The following VSTM2B variants were observed in gnomAD, a reference collection of about 807,000 sequenced individuals.
VSTM2B encodes the protein V-set and transmembrane domain containing 2B, also known as V-set and transmembrane domain-containing protein 2B.
Under a neutral mutation model 24.0 loss-of-function variants are expected in VSTM2B, and 24 were observed. The ratio of observed to expected loss-of-function variants is 1.00; its 90% CI spans 0.72 to 1.40. VSTM2B has a LOEUF of 1.40. VSTM2B is among the 40% of genes most tolerant of loss of function. The pLI is 0.00. For synonymous variants in VSTM2B, 226 were observed against 194.4 expected, an observed-to-expected ratio of 1.16 and a Z score of -1.35; for missense variants, 399 against 416.4, an observed-to-expected ratio of 0.96 and a Z score of 0.36.
intron 4 of VSTM2B, among the ~76,000 whole-genome samples, chr19:29,556,315 C>T (rs1461188803): frequency 6.6e-6 from 1 of 152,140 alleles, no homozygotes; most frequent in African/African-American, 2.4e-5. Flanking sequence ...ATAGAAAAGG[C>T]CTTCGATAAA....
At chr19:29,525,986 CT>C (rs1382805321), upstream of VSTM2B, among the ~76,000 whole-genome samples, 22 of 151,980 alleles carry the variant, frequency 1.4e-4, no homozygotes, top group Non-Finnish European at 2.7e-4. Context: ...TCCCCTCCCC[CT>C]CTCCCCGCCT....
At chr19:29,543,487 A>G (rs967925512) in intron 4 of VSTM2B, among the ~76,000 whole-genome samples, 1 of 152,088 alleles carries the variant, frequency 6.6e-6, no homozygotes, top group Non-Finnish European at 1.5e-5. Context: ...ATGGGAAAGG[A>G]CTGCTGTTAG....
At position 29,564,046 on chromosome 19, in the gene VSTM2B, TC is replaced by T; in HGVS notation, c.*114del. The T allele has an allele frequency of 1.3e-6, 1 of 790,462 alleles. No homozygotes were observed. The highest frequency in any genetic ancestry group is 2.1e-6 in the Non-Finnish European group (1 of 486,104). The allele number at this position is 790,462 out of a possible 1,614,324, so 49.0% of individuals were successfully genotyped here. A position where few individuals can be genotyped will look rare whatever the true frequency, so the allele number is the denominator to read the frequency against. ...AGAGACTGAGAGACGCATGAAAAAG[TC>T]CACATGGAAAATAAATAAATCATAT... On this transcript the variant is annotated 3_prime_UTR_variant, in exon 5 of 5. Transcript: ENST00000335523.
Position 29,526,702 on chromosome 19 carries a change from G to C in VSTM2B, c.82+37G>C. ...AACTTTGCTGCCGCTGTGGACTCGG[G>C]GGGGTCTTTGCTGGGGCCGCCACCG... On this transcript the variant is annotated intron_variant, in intron 1 of 4. Coordinates refer to ENST00000335523, the MANE Select transcript of VSTM2B (RefSeq NM_001146339.2). This position sits in a 1 kb window ranked among gnomAD's most constrained non-coding sequence, Gnocchi z 4.1. 2 of 1,508,320 alleles carry C rather than the reference G, an allele frequency of 1.3e-6. No homozygotes were observed. 93.4% of individuals were successfully genotyped at this position (1,508,320 alleles called of 1,614,324 possible).
chr19:29,529,733 C>T (rs1969682791), intron 3 of VSTM2B, 86 bp from the exon 4 acceptor site: 11 of 1,331,846 alleles, frequency 8.3e-6, no homozygotes, highest in Non-Finnish European at 1.0e-5. Context: ...TTGGGGTGCG[C>T]GGATGAGGGG....
intron 4 of VSTM2B, among the ~76,000 whole-genome samples, chr19:29,536,587 C>G (rs1397519698): frequency 2.0e-5 from 3 of 152,198 alleles, no homozygotes; most frequent in Admixed American, 2.0e-4. Context: ...GTGTGCCACG[C>G]TCTCCTCTCA....
intron 4 of VSTM2B, among the ~76,000 whole-genome samples, chr19:29,534,355 G>A (rs867303365): frequency 2.6e-5 from 4 of 152,236 alleles, no homozygotes; most frequent in African/African-American, 9.6e-5. Flanking sequence ...GGTGCAGGCT[G>A]TAGAGGTCAG....
At chr19:29,543,301 C>T (rs1385485118) in intron 4 of VSTM2B, among the ~76,000 whole-genome samples, 3 of 152,214 alleles carry the variant, frequency 2.0e-5, no homozygotes, top group African/African-American at 4.8e-5. Context: ...CCAGGCAGCT[C>T]CTCTGTGCTA....
At position 29,526,053 on chromosome 19, in the gene VSTM2B, C is replaced by T; in HGVS notation, c.-531C>T. 6.6e-6 allele frequency among the ~76,000 whole-genome samples: 1 copy of T among 151,780 alleles called. No individual in the cohort carries two copies. The highest frequency in any genetic ancestry group is 2.0e-4 in the East Asian group (1 of 5,090). ...CCGCTCTCCCCGCGCTGCGCTGGGT[C>T]GGACGCCAGGTCTGCGCGCCGCGGC... On this transcript the variant is annotated 5_prime_UTR_variant, in exon 1 of 5. Coordinates refer to ENST00000335523, the MANE Select transcript of VSTM2B (RefSeq NM_001146339.2). The surrounding 1 kb of genome is among the most constrained non-coding windows in gnomAD (Gnocchi z 4.1).
In VSTM2B at chr19:29,526,827, G is replaced by C; in HGVS notation, c.82+162G>C. ...GGGGTAGGGAGAGGCGAGCGGCGAAGGGTCGCCGCAGCAGCAGCGCCGCGC... is the reference window on the plus strand; with the variant it reads ...GGGGTAGGGAGAGGCGAGCGGCGAACGGTCGCCGCAGCAGCAGCGCCGCGC... On this transcript the variant is annotated intron_variant, in intron 1 of 4. Coordinates refer to ENST00000335523, the MANE Select transcript of VSTM2B (RefSeq NM_001146339.2). The surrounding 1 kb of genome is among the most constrained non-coding windows in gnomAD (Gnocchi z 4.1). The C allele has an allele frequency of 1.6e-6, 1 of 617,178 alleles. No individual in the cohort carries two copies. Among genetic ancestry groups the C allele is most frequent in the Non-Finnish European group, 2.6e-6 (1 of 387,936 alleles). The allele number at this position is 617,178 out of a possible 1,614,324, so 38.2% of individuals were successfully genotyped here.
intron 4 of VSTM2B, among the ~76,000 whole-genome samples, chr19:29,563,018 A>G (rs373151741): frequency 7.6e-4 from 116 of 152,234 alleles, no homozygotes; most frequent in African/African-American, 2.8e-3. Context: ...TGGACAGACA[A>G]GGTTGCTGTG....
At chr19:29,548,126 G>A (rs571496913) in intron 4 of VSTM2B, among the ~76,000 whole-genome samples, 17 of 152,224 alleles carry the variant, frequency 1.1e-4, no homozygotes, top group Admixed American at 7.2e-4. Flanking sequence ...GCAGGGAATG[G>A]CTAAAACAGG....
At chr19:29,542,890 G>T (rs1406625410) in intron 4 of VSTM2B, among the ~76,000 whole-genome samples, 4 of 152,162 alleles carry the variant, frequency 2.6e-5, no homozygotes, top group African/African-American at 9.7e-5. Context: ...GTCTCCAAGT[G>T]GTGGTAGGTC....
rs1417772129 is a variant in VSTM2B, at chr19:29,530,096, C to A, written c.575C>A (p.Thr192Asn). 1.4e-5 allele frequency: 20 copies of A among 1,455,148 alleles called. No individual in the cohort carries two copies. The highest frequency in any genetic ancestry group is 1.8e-5 in the Non-Finnish European group (20 of 1,113,352). The allele number at this position is 1,455,148 out of a possible 1,614,324, so 90.1% of individuals were successfully genotyped here. A position where few individuals can be genotyped will look rare whatever the true frequency, so the allele number is the denominator to read the frequency against. ...ANNAGAASRT[T>N]SEPGRGDKSP... Reference sequence around the variant, plus strand: ...AACGCGGGCGCCGCGAGCCGTACCACCTCCGAGCCCGGCCGCGGCGACAAG... The same window carrying A: ...AACGCGGGCGCCGCGAGCCGTACCAACTCCGAGCCCGGCCGCGGCGACAAG... Residue 192 changes from threonine to asparagine, a missense_variant, in exon 4 of 5, where the codon ACC (threonine) becomes AAC (asparagine). Physicochemically the swap from Thr to Asn is moderately conservative, Grantham distance 65 (BLOSUM62 0). Coordinates refer to ENST00000335523, the MANE Select transcript of VSTM2B (RefSeq NM_001146339.2).
intron 4 of VSTM2B, among the ~76,000 whole-genome samples, chr19:29,548,954 C>T (rs1255219948): frequency 6.6e-6 from 1 of 152,196 alleles, no homozygotes; most frequent in Non-Finnish European, 1.5e-5. Flanking sequence ...ACCCTGGGCC[C>T]AGGCTGGTGG....
Position 29,563,844 on chromosome 19 carries a change from A to G in VSTM2B, c.770-2A>G. On this transcript the variant is annotated splice_acceptor_variant, in intron 4 of 4. Coordinates refer to ENST00000335523, the MANE Select transcript of VSTM2B (RefSeq NM_001146339.2). LOFTEE classifies it high-confidence loss of function. ...CCTTGCCTGTTTTCTCATCCCCTGCAGGCACCGGCCGTAGCTACACCACAG... is the reference window on the plus strand; with the variant it reads ...CCTTGCCTGTTTTCTCATCCCCTGCGGGCACCGGCCGTAGCTACACCACAG... The G allele has an allele frequency of 6.4e-7, 1 of 1,552,210 alleles. No individual in the cohort carries two copies. The highest frequency in any genetic ancestry group is 8.7e-7 in the Non-Finnish European group (1 of 1,147,030).
intron 4 of VSTM2B, among the ~76,000 whole-genome samples, chr19:29,556,210 A>T (rs527866679): frequency 6.6e-6 from 1 of 152,222 alleles, no homozygotes. Flanking sequence ...CAAAAAGCTT[A>T]TTCACCACAA....
intron 4 of VSTM2B, among the ~76,000 whole-genome samples, chr19:29,549,012 G>T (rs575751621): frequency 3.3e-5 from 5 of 152,216 alleles, no homozygotes; most frequent in Non-Finnish European, 7.3e-5. Context: ...AAGAGCAGCC[G>T]GCCCCCACCC....
At chr19:29,544,213 G>A (rs983986615) in intron 4 of VSTM2B, among the ~76,000 whole-genome samples, 2 of 151,808 alleles carry the variant, frequency 1.3e-5, no homozygotes, top group Middle Eastern at 3.4e-3. Context: ...TCTAAGGGAA[G>A]AATTTGAAGT....
Sources: gnomAD v4.1 joint callset for allele counts (sites outside exome capture counted in the v4.1 genomes callset) on GRCh38, gnomAD v4.1.1 for gene constraint, Gnocchi (gnomAD v3.1) non-coding constraint, MANE v1.5 for transcripts, NCBI Gene and HGNC (gene_info 2026-07-23, HGNC 2026-07-21) for gene names.